The following CHCHD3 variants were observed in gnomAD, a reference collection of about 807,000 sequenced individuals.
CHCHD3 encodes MICOS complex subunit MIC19.
CHCHD3 carries 20 observed loss-of-function variants against 38.2 expected under a neutral mutation model. The ratio of observed to expected loss-of-function variants is 0.52; its 90% CI spans 0.37 to 0.76. The LOEUF (loss-of-function observed/expected upper bound fraction) is 0.76, where lower values mean the gene tolerates loss of function less well. CHCHD3 is among the 30% of genes least tolerant of loss of function. CHCHD3 has a pLI of 0.00. For missense variants in CHCHD3, 245 were observed against 279.2 expected (o/e 0.88, Z 0.87); for synonymous variants, 82 against 100.0 (o/e 0.82, Z 1.07).
intron 6 of CHCHD3, among the ~76,000 whole-genome samples, chr7:132,798,903 C>T (rs1009445928): frequency 5.3e-5 from 8 of 152,064 alleles, no homozygotes; most frequent in South Asian, 2.1e-4. Flanking sequence ...AAGTTAAAGT[C>T]CATGCGTTAT....
At chr7:132,845,479 A>T (rs1289152206) in intron 5 of CHCHD3, among the ~76,000 whole-genome samples, 1 of 152,226 alleles carries the variant, frequency 6.6e-6, no homozygotes, top group Non-Finnish European at 1.5e-5. Context: ...ACGGATGGGA[A>T]ATATGAAGAC....
intron 4 of CHCHD3, among the ~76,000 whole-genome samples, chr7:132,952,050 T>A (rs1811048095): frequency 1.3e-5 from 2 of 152,168 alleles, no homozygotes. Context: ...TAATACAGAT[T>A]TCACTGTCAT....
intron 3 of CHCHD3, among the ~76,000 whole-genome samples, 164 bp from the exon 4 acceptor site, chr7:132,975,450 C>G (rs1387925917): frequency 6.6e-6 from 1 of 152,150 alleles, no homozygotes; most frequent in East Asian, 1.9e-4. Context: ...AGAGGTAAAT[C>G]CCCATGCAGC....
At chr7:132,791,295 G>C (rs748357314) in intron 7 of CHCHD3, among the ~76,000 whole-genome samples, 1 of 152,144 alleles carries the variant, frequency 6.6e-6, no homozygotes, top group Non-Finnish European at 1.5e-5. Context: ...GATCTGACAC[G>C]ACAGGAAAAA....
chr7:132,889,009 T>C (rs1478283181), intron 4 of CHCHD3, among the ~76,000 whole-genome samples: 1 of 152,082 alleles, frequency 6.6e-6, no homozygotes, highest in Admixed American at 6.6e-5. Flanking sequence ...TCTTATTTCC[T>C]ATAATGAACA....
intron 4 of CHCHD3, among the ~76,000 whole-genome samples, chr7:132,923,901 CAT>C (rs995270801): frequency 4.7e-4 from 71 of 152,264 alleles, no homozygotes; most frequent in African/African-American, 1.6e-3. Context: ...AAAATTAACA[CAT>C]AGATGAATTG....
intron 6 of CHCHD3, among the ~76,000 whole-genome samples, chr7:132,810,651 T>C (rs1807044835): frequency 6.6e-6 from 1 of 152,224 alleles, no homozygotes; most frequent in African/African-American, 2.4e-5. Flanking sequence ...CAATGATTTC[T>C]ACGTAAAGGG....
At chr7:132,892,366 T>A (rs1809382956) in intron 4 of CHCHD3, among the ~76,000 whole-genome samples, 1 of 152,216 alleles carries the variant, frequency 6.6e-6, no homozygotes, top group African/African-American at 2.4e-5. Context: ...GCCCCTACCC[T>A]AGAGAACTGT....
chr7:132,858,226 C>T (rs1585577942), intron 5 of CHCHD3, among the ~76,000 whole-genome samples: 1 of 152,034 alleles, frequency 6.6e-6, no homozygotes, highest in South Asian at 2.1e-4. Context: ...CCACGCCTGG[C>T]TGATTTTTGA....
Position 132,942,380 on chromosome 7 carries a change from T to C in CHCHD3, c.369+32789A>G, listed in dbSNP as rs117505893. Among the ~76,000 whole-genome samples the C allele has an allele frequency of 1.4e-3, 219 of 152,294 alleles. 1 individual carries two copies. Among genetic ancestry groups the C allele is most frequent in the Non-Finnish European group, 2.4e-3 (161 of 68,018 alleles). On this transcript the variant is annotated intron_variant, in intron 4 of 7. Coordinates refer to ENST00000262570, the MANE Select transcript of CHCHD3 (RefSeq NM_017812.4). Reference sequence around the variant, plus strand: ...TCATAGTTAGTAAAAGTTGTGGAGTTCTTAATGTTGTCATATCCACACTGA... The same window carrying C: ...TCATAGTTAGTAAAAGTTGTGGAGTCCTTAATGTTGTCATATCCACACTGA...
At chr7:132,883,842 A>G (rs1809137618) in intron 5 of CHCHD3, among the ~76,000 whole-genome samples, 2 of 152,174 alleles carry the variant, frequency 1.3e-5, no homozygotes, top group Non-Finnish European at 2.9e-5. Context: ...TGAGCTTAAC[A>G]TATCCACAAT....
intron 2 of CHCHD3, among the ~76,000 whole-genome samples, chr7:133,065,291 A>T (rs1716159633): frequency 1.3e-5 from 2 of 152,238 alleles, no homozygotes; most frequent in South Asian, 4.1e-4. Context: ...TACTGCAACG[A>T]GCCACTGATC....
intron 4 of CHCHD3, among the ~76,000 whole-genome samples, chr7:132,952,244 A>G (rs1165749370): frequency 6.6e-6 from 1 of 152,202 alleles, no homozygotes; most frequent in African/African-American, 2.4e-5. Context: ...AAGCATTAGA[A>G]TGGTGTATTT....
At chr7:132,973,945 C>T in intron 4 of CHCHD3, 3 of 1,284,248 alleles carry the variant, frequency 2.3e-6, no homozygotes, top group Non-Finnish European at 3.0e-6. Context: ...CGAGGAGTAA[C>T]ATCTGGGTTT....
intron 5 of CHCHD3, among the ~76,000 whole-genome samples, chr7:132,873,835 A>G (rs1257638251): frequency 6.6e-6 from 1 of 152,094 alleles, no homozygotes; most frequent in Non-Finnish European, 1.5e-5. Flanking sequence ...TTAGACAAAT[A>G]ATTTAATTTA....
intron 4 of CHCHD3, among the ~76,000 whole-genome samples, chr7:132,944,099 T>G (rs985102826): frequency 6.6e-6 from 1 of 152,088 alleles, no homozygotes; most frequent in Non-Finnish European, 1.5e-5. Context: ...CTTTTAGAAA[T>G]TTATCAAAAA....
At chr7:133,045,975 T>A (rs1041094378) in intron 2 of CHCHD3, among the ~76,000 whole-genome samples, 1 of 152,194 alleles carries the variant, frequency 6.6e-6, no homozygotes. Flanking sequence ...GTCATGAGCC[T>A]ACAGACTGCA....
chr7:132,920,517 C>T (rs1057346058), intron 4 of CHCHD3, among the ~76,000 whole-genome samples: 5 of 152,204 alleles, frequency 3.3e-5, no homozygotes, highest in Middle Eastern at 3.2e-3. Flanking sequence ...ACTATTCATT[C>T]GCTGAATGAC....
intron 1 of CHCHD3, among the ~76,000 whole-genome samples, chr7:133,076,322 G>A (rs1200728416): frequency 6.6e-6 from 1 of 152,018 alleles, no homozygotes; most frequent in Non-Finnish European, 1.5e-5. Flanking sequence ...GTAGTCCGTG[G>A]GTCAATTACT....
Sources: gnomAD v4.1 joint callset for allele counts (sites outside exome capture counted in the v4.1 genomes callset) on GRCh38, gnomAD v4.1.1 for gene constraint, MANE v1.5 for transcripts, NCBI Gene and HGNC (gene_info 2026-07-23, HGNC 2026-07-21) for gene names.